Variants in AP3B1 observed in about 807,000 individuals in gnomAD.
The protein encoded by AP3B1 is adaptor related protein complex 3 subunit beta 1.
A neutral mutation model predicts 132.5 loss-of-function variants in AP3B1; 61 were observed. The observed-to-expected ratio is 0.46, with a 90% confidence interval of 0.37 to 0.57. The LOEUF is 0.57. AP3B1 is among the 20% of genes least tolerant of loss of function. The pLI is 0.00. For missense variants in AP3B1, 1,120 were observed against 1,289.4 expected (o/e 0.87, Z 2.01); for synonymous variants, 388 against 438.3 (o/e 0.89, Z 1.43).
chr5:78,032,692 C>G (rs1452827555), intron 24 of AP3B1, among the ~76,000 whole-genome samples: 1 of 151,692 alleles, frequency 6.6e-6, no homozygotes, highest in Admixed American at 6.6e-5. Flanking sequence ...GGAACACACA[C>G]ACAAAATTTT....
intron 14 of AP3B1, among the ~76,000 whole-genome samples, 194 bp downstream of exon 14, chr5:78,156,064 C>T (rs535348349): frequency 3.9e-5 from 6 of 152,246 alleles, no homozygotes; most frequent in East Asian, 1.9e-4. Flanking sequence ...TCTAATACCA[C>T]GAGGCTCATT....
intron 3 of AP3B1, among the ~76,000 whole-genome samples, chr5:78,231,074 C>T (rs907132506): frequency 6.6e-6 from 1 of 151,776 alleles, no homozygotes; most frequent in Non-Finnish European, 1.5e-5. Flanking sequence ...AAGCCAAGAT[C>T]GCACCACTGC....
intron 2 of AP3B1, among the ~76,000 whole-genome samples, chr5:78,249,869 G>A (rs752459507): frequency 4.6e-5 from 7 of 152,052 alleles, no homozygotes; most frequent in Non-Finnish European, 8.8e-5. Context: ...ATGAGCCACC[G>A]TGTCCGGCCA....
chr5:78,156,270 C>T lies in AP3B1; in HGVS notation c.1461G>A (p.Leu487=), dbSNP rs1749490969. The change falls in exon 14 of 27, where the codon CTG becomes CTA. Residue 487 remains leucine (L), a synonymous_variant. Coordinates refer to ENST00000255194, the MANE Select transcript of AP3B1 (RefSeq NM_003664.5). ...GEIIKHMAKL[L]DSITVPVARA... ...AATTGATACTCACAGTGATACTGTCCAGGAGTTTGGCCATATGTTTAATAA... is the reference window on the plus strand; with the variant it reads ...AATTGATACTCACAGTGATACTGTCTAGGAGTTTGGCCATATGTTTAATAA... The T allele has an allele frequency of 6.2e-7, 1 of 1,610,530 alleles. No individual in the cohort carries two copies. Among genetic ancestry groups the T allele is most frequent in the African/African-American group, 1.3e-5 (1 of 74,924 alleles).
intron 20 of AP3B1, among the ~76,000 whole-genome samples, chr5:78,109,415 T>C (rs552119162): frequency 2.0e-5 from 3 of 152,186 alleles, no homozygotes; most frequent in South Asian, 2.1e-4. Flanking sequence ...GAAAACAATA[T>C]TGGATTAAGA....
chr5:78,028,195 C>T (rs1274908085), intron 24 of AP3B1, among the ~76,000 whole-genome samples: 1 of 145,246 alleles, frequency 6.9e-6, no homozygotes, highest in Non-Finnish European at 1.5e-5. Context: ...CTGTGGCTCA[C>T]GCCTGTAATG....
chr5:78,174,355 T>C (rs1337238700), intron 11 of AP3B1, among the ~76,000 whole-genome samples: 1 of 152,198 alleles, frequency 6.6e-6, no homozygotes, highest in Non-Finnish European at 1.5e-5. Context: ...GTTGGTGACC[T>C]AGAGATGGGG....
chr5:78,206,939 T>G (rs952156522), intron 7 of AP3B1, among the ~76,000 whole-genome samples: 8 of 152,066 alleles, frequency 5.3e-5, no homozygotes, highest in Non-Finnish European at 1.0e-4. Flanking sequence ...CTAGCCAACA[T>G]GGCGAAATCC....
At chr5:78,283,702 G>A (rs998030149) in intron 1 of AP3B1, among the ~76,000 whole-genome samples, 1 of 152,018 alleles carries the variant, frequency 6.6e-6, no homozygotes, top group Non-Finnish European at 1.5e-5. Context: ...GATCCAAAAC[G>A]GACCTCAACA....
chr5:78,167,795 T>C (rs1170006906), intron 11 of AP3B1, among the ~76,000 whole-genome samples: 1 of 151,838 alleles, frequency 6.6e-6, no homozygotes, highest in African/African-American at 2.4e-5. Context: ...ATGTTCTCAC[T>C]CATAAGTGGG....
At chr5:78,286,250 AT>A (rs1749274068) in intron 1 of AP3B1, among the ~76,000 whole-genome samples, 1 of 152,184 alleles carries the variant, frequency 6.6e-6, no homozygotes, top group Non-Finnish European at 1.5e-5. Context: ...CCAACCTATG[AT>A]TTTGGAACCA....
chr5:78,284,629 CACAT>C (rs1196741523), intron 1 of AP3B1, among the ~76,000 whole-genome samples: 6 of 152,024 alleles, frequency 3.9e-5, no homozygotes, highest in Admixed American at 2.6e-4. Flanking sequence ...ACATGATATA[CACAT>C]ACATACATAT....
intron 2 of AP3B1, among the ~76,000 whole-genome samples, chr5:78,265,824 ACTTCTGTAT>A (rs1748297973): frequency 6.6e-6 from 1 of 152,222 alleles, no homozygotes; most frequent in East Asian, 1.9e-4. Context: ...ACAGCCAGCT[ACTTCTGTAT>A]AACTTCATTT....
intron 11 of AP3B1, among the ~76,000 whole-genome samples, chr5:78,174,435 A>G (rs1395561249): frequency 6.6e-6 from 1 of 152,218 alleles, no homozygotes; most frequent in African/African-American, 2.4e-5. Flanking sequence ...TCCTTGTAAC[A>G]GTCAGGTTCG....
intron 17 of AP3B1, among the ~76,000 whole-genome samples, chr5:78,124,473 G>A (rs773522205): frequency 6.6e-6 from 1 of 152,208 alleles, no homozygotes; most frequent in African/African-American, 2.4e-5. Flanking sequence ...CACTTTGGGA[G>A]CTGAGGCAGG....
chr5:78,021,500 A>C (rs930571015), intron 24 of AP3B1, among the ~76,000 whole-genome samples: 1 of 152,162 alleles, frequency 6.6e-6, no homozygotes, highest in Admixed American at 6.5e-5. Flanking sequence ...AAAATACTAA[A>C]ATTGTCTAAA....
rs182772326 is a variant in AP3B1, at chr5:78,272,093, C to G, written c.129-4498G>C. Among the ~76,000 whole-genome samples, 564 of 152,316 alleles carry G rather than the reference C, an allele frequency of 3.7e-3. 5 individuals carry two copies. The highest frequency in any genetic ancestry group is 0.013 in the African/African-American group (539 of 41,562). The stretch of plus-strand genomic sequence containing the variant: ...TCATAAGAATCTTGGTTTCTACAGC[C>G]CTTTATCCTAACCCAGCCACACCTT... On this transcript the variant is annotated intron_variant, in intron 1 of 26. Coordinates refer to ENST00000255194, the MANE Select transcript of AP3B1 (RefSeq NM_003664.5).
At chr5:78,166,466 T>C (rs1743634006) in intron 11 of AP3B1, among the ~76,000 whole-genome samples, 1 of 152,204 alleles carries the variant, frequency 6.6e-6, no homozygotes, top group South Asian at 2.1e-4. Flanking sequence ...TTTTGATTTG[T>C]TCTCCTATAG....
At chr5:78,157,986 T>C (rs1365800634) in intron 13 of AP3B1, among the ~76,000 whole-genome samples, 1 of 152,090 alleles carries the variant, frequency 6.6e-6, no homozygotes, top group East Asian at 1.9e-4. Flanking sequence ...CCTAACCTCA[T>C]GATCCACCCG....
Sources: allele counts gnomAD v4.1 joint callset (sites outside exome capture counted in the v4.1 genomes callset), GRCh38; gene constraint gnomAD v4.1.1; transcripts MANE v1.5; gene names NCBI Gene and HGNC (gene_info 2026-07-23, HGNC 2026-07-21).